Variants in DMRT1 observed in about 807,000 individuals in gnomAD.
The protein encoded by DMRT1 is doublesex and mab-3 related transcription factor 1, also known as doublesex- and mab-3-related transcription factor 1.
A neutral mutation model predicts 32.3 loss-of-function variants in DMRT1; 7 were observed. The ratio of observed to expected loss-of-function variants is 0.22; its 90% confidence interval spans 0.12 to 0.41. DMRT1 has a LOEUF of 0.41. DMRT1 is among the 10% of genes least tolerant of loss of function. DMRT1 has a pLI of 1.00. For missense variants in DMRT1, 625 were observed against 500.5 expected (o/e 1.25, Z -2.37); for synonymous variants, 278 against 206.1 (o/e 1.35, Z -2.99).
intron 2 of DMRT1, among the ~76,000 whole-genome samples, chr9:863,514 C>T (rs1815821737): frequency 6.6e-6 from 1 of 152,152 alleles, no homozygotes; most frequent in African/African-American, 2.4e-5. Flanking sequence ...CTAGCAACAG[C>T]CCTCAGCTGA....
intron 2 of DMRT1, among the ~76,000 whole-genome samples, chr9:859,429 C>A (rs1444080484): frequency 6.6e-6 from 1 of 152,116 alleles, no homozygotes; most frequent in Admixed American, 6.6e-5. Context: ...AGTAGGGGTG[C>A]CTGTGGGTCC....
At chr9:894,999 G>C (rs1428997950) in intron 3 of DMRT1, 1 of 152,178 alleles carries the variant, frequency 6.6e-6, no homozygotes, top group Non-Finnish European at 1.5e-5. Context: ...ATTTTTAGTA[G>C]AGATGGGGTT....
At chr9:866,017 A>G (rs999781721) in intron 2 of DMRT1, among the ~76,000 whole-genome samples, 2 of 151,984 alleles carry the variant, frequency 1.3e-5, no homozygotes, top group African/African-American at 2.4e-5. Flanking sequence ...TACAAAAATT[A>G]GCTGGATGTG....
intron 1 of DMRT1, 38 bp downstream of exon 1, chr9:842,230 G>GTT (rs780064237): frequency 0.075 from 89,420 of 1,190,692 alleles, 103 homozygotes; most frequent in Middle Eastern, 0.079. Context: ...TTCAGCCTTA[G>GTT]TTTTTTTTTT....
chr9:918,781 T>C (rs1818264613), intron 4 of DMRT1, among the ~76,000 whole-genome samples: 1 of 152,196 alleles, frequency 6.6e-6, no homozygotes. Context: ...AGTGTACAAA[T>C]ACGTAGAAAA....
chr9:860,760 G>C (rs984948966), intron 2 of DMRT1, among the ~76,000 whole-genome samples: 3 of 152,238 alleles, frequency 2.0e-5, no homozygotes, highest in African/African-American at 7.2e-5. Context: ...GCCTCTCTAA[G>C]GAAGTTAAGT....
chr9:958,658 A>T (rs1400910716), intron 4 of DMRT1, among the ~76,000 whole-genome samples: 3 of 152,202 alleles, frequency 2.0e-5, no homozygotes, highest in Non-Finnish European at 2.9e-5. Context: ...GTGAGCCACC[A>T]CGCCTGGTCC....
At chr9:858,757 C>G (rs1293637610) in intron 2 of DMRT1, among the ~76,000 whole-genome samples, 1 of 151,134 alleles carries the variant, frequency 6.6e-6, no homozygotes, top group Non-Finnish European at 1.5e-5. Context: ...GCCAGTAATC[C>G]CAACTACTTG....
chr9:892,467 C>G (rs1817189669), intron 2 of DMRT1, among the ~76,000 whole-genome samples: 1 of 152,152 alleles, frequency 6.6e-6, no homozygotes, highest in South Asian at 2.1e-4. Context: ...CTCTCTGCCT[C>G]CCCTGCATCT....
intron 2 of DMRT1, among the ~76,000 whole-genome samples, chr9:878,206 C>G (rs910014605): frequency 5.9e-5 from 7 of 117,892 alleles, no homozygotes; most frequent in Non-Finnish European, 1.0e-4. Context: ...TGCTGCCCCC[C>G]CCCCACCCAA....
chr9:891,937 C>T lies in DMRT1; in HGVS notation c.539-1975C>T, dbSNP rs116272272. 8.8e-3 allele frequency among the ~76,000 whole-genome samples: 1,346 copies of T among 152,318 alleles called. 19 individuals carry two copies. Among genetic ancestry groups the T allele is most frequent in the African/African-American group, 0.029 (1,211 of 41,572 alleles). On this transcript the variant is annotated intron_variant, in intron 2 of 4. Transcript: ENST00000382276. ...ACTGTGTCTGGCAGTGTGCTAAGCA[C>T]GGAGGACACAGTGGTGTGCCCGGAG... is the stretch of plus-strand genomic sequence containing the variant.
Position 933,388 on chromosome 9 carries a change from G to A in DMRT1, c.967+16481G>A, listed in dbSNP as rs556516852. On this transcript the variant is annotated intron_variant, in intron 4 of 4. Coordinates refer to ENST00000382276, the MANE Select transcript of DMRT1 (RefSeq NM_021951.3). ...TAGGAACTCTGTGCCAGGAACCCAG[G>A]ACAAAGACCAAGTATGTTTCTGCGA... Among the ~76,000 whole-genome samples, 4 of 152,286 alleles carry A rather than the reference G, an allele frequency of 2.6e-5. No individual in the cohort carries two copies. The South Asian group carries it at 8.3e-4, about 32-fold the overall frequency.
At chr9:935,844 G>A (rs1818868790) in intron 4 of DMRT1, among the ~76,000 whole-genome samples, 1 of 152,210 alleles carries the variant, frequency 6.6e-6, no homozygotes, top group Non-Finnish European at 1.5e-5. Context: ...GGAAATGGAG[G>A]CAGATGATTT....
chr9:865,408 T>C, intron 2 of DMRT1, among the ~76,000 whole-genome samples: 1 of 152,150 alleles, frequency 6.6e-6, no homozygotes, highest in East Asian at 1.9e-4. Context: ...ATTGTTAGAG[T>C]GCTCATTTTT....
In DMRT1 at chr9:968,147, C is replaced by T. The variant is rs1288773164; in HGVS notation, c.*8C>T. 6.2e-6 allele frequency: 10 copies of T among 1,601,434 alleles called. No homozygotes were observed. The East Asian group carries it at 2.3e-4, about 36-fold the overall frequency. ...ATCGAGGAGGACGAGTGAGCAGTGC[C>T]TGCTGCCGATGGCGGTTCACTTGGA... On this transcript the variant is annotated 3_prime_UTR_variant, in exon 5 of 5. Transcript: ENST00000382276.
intron 3 of DMRT1, among the ~76,000 whole-genome samples, chr9:908,258 C>G (rs1208938592): frequency 6.6e-6 from 1 of 152,000 alleles, no homozygotes. Flanking sequence ...GAATTCAAGA[C>G]CAGCCTGGGC....
intron 4 of DMRT1, among the ~76,000 whole-genome samples, chr9:937,027 A>G (rs551166662): frequency 3.3e-5 from 5 of 152,250 alleles, no homozygotes; most frequent in South Asian, 4.1e-4. Flanking sequence ...GCCCCTGGTA[A>G]TCTCTCTTCT....
At chr9:868,127 G>A (rs926991122) in intron 2 of DMRT1, among the ~76,000 whole-genome samples, 1 of 152,178 alleles carries the variant, frequency 6.6e-6, no homozygotes, top group Non-Finnish European at 1.5e-5. Flanking sequence ...ACAGGCGCAA[G>A]CCACCATGCC....
At position 841,877 on chromosome 9, in the gene DMRT1, G is replaced by T; in HGVS notation, c.39G>T (p.Pro13=). 1.2e-6 allele frequency: 2 copies of T among 1,612,470 alleles called. No homozygotes were observed. The highest frequency in any genetic ancestry group is 1.1e-5 in the South Asian group (1 of 90,936). Residue 13 remains proline (P), a synonymous_variant, in exon 1 of 5, where the codon CCG becomes CCT. Coordinates refer to ENST00000382276, the MANE Select transcript of DMRT1 (RefSeq NM_021951.3). ...NDEAFSKPST[P]SEAPHAPGVP... is the part of the protein sequence containing the mutation. Reference sequence around the variant, plus strand: ...AGGCATTCAGCAAGCCCTCTACACCGTCGGAAGCCCCTCACGCCCCCGGGG... The same window carrying T: ...AGGCATTCAGCAAGCCCTCTACACCTTCGGAAGCCCCTCACGCCCCCGGGG...
Sources: allele counts gnomAD v4.1 joint callset (sites outside exome capture counted in the v4.1 genomes callset), GRCh38; gene constraint gnomAD v4.1.1; transcripts MANE v1.5; gene names NCBI Gene and HGNC (gene_info 2026-07-23, HGNC 2026-07-21).